USP9X: variants seen among roughly 807,000 people sequenced by gnomAD.
USP9X encodes ubiquitin specific peptidase 9 X-linked, also known as ubiquitin carboxyl-terminal hydrolase 9X.
A neutral mutation model predicts 190.3 loss-of-function variants in USP9X; 7 were observed. The observed-to-expected ratio is 0.04, with a 90% CI of 0.02 to 0.07. The LOEUF is 0.07. Among genes scored for constraint, USP9X ranks in the 10% least tolerant of loss-of-function variants. The pLI, the probability that USP9X is intolerant of heterozygous loss-of-function variation, is 1.00. For synonymous variants in USP9X, 645 were observed against 659.5 expected (o/e 0.98, Z 0.34); for missense variants, 1,010 against 1,916.9 (o/e 0.53, Z 8.83).
At chrX:41,157,329 C>G (rs2062587975) in intron 14 of USP9X, among the ~76,000 whole-genome samples, 2 of 111,115 alleles carry the variant, frequency 1.8e-5, no homozygotes, top group Non-Finnish European at 3.8e-5. Context: ...CATAAACTTT[C>G]TGAGTGGTGT....
intron 29 of USP9X, among the ~76,000 whole-genome samples, chrX:41,198,264 TTTAAAA>T (rs1475693273): frequency 2.7e-5 from 3 of 112,160 alleles, no homozygotes; most frequent in African/African-American, 9.7e-5. Context: ...GGAGCAAACA[TTTAAAA>T]TAAAAATTTT....
chrX:41,217,100 G>A (rs759800596), intron 35 of USP9X, 120 bp from the exon 36 acceptor site: 1,616 of 780,989 alleles, frequency 2.1e-3, no homozygotes, highest in Non-Finnish European at 2.4e-3. Flanking sequence ...CTAAATTAAA[G>A]TAGCCTGAGA....
intron 3 of USP9X, among the ~76,000 whole-genome samples, chrX:41,131,218 T>C (rs987771169): frequency 1.8e-5 from 2 of 111,607 alleles, no homozygotes; most frequent in Admixed American, 9.5e-5. Flanking sequence ...ATAATTTAGT[T>C]TTCTTCCCTC....
chrX:41,197,379 A>C lies in USP9X; in HGVS notation c.4249A>C (p.Thr1417Pro). 1 of 1,009,982 alleles carries C rather than the reference A, an allele frequency of 9.9e-7. No individual in the cohort carries two copies. 83.2% of individuals were successfully genotyped at this position (1,009,982 alleles called of 1,213,427 possible). A position where few individuals can be genotyped will look rare whatever the true frequency, so the allele number is the denominator to read the frequency against. The change falls in exon 29 of 45, where the codon ACA becomes CCA. Residue 1417 changes from threonine (T) to proline (P), a missense_variant. Physicochemically the swap from Thr to Pro is conservative, Grantham distance 38 (BLOSUM62 -1). Around this residue, in one of 11 missense-constraint regions of USP9X, gnomAD observed 351 missense variants for 480.8 expected, o/e 0.73. Transcript: ENST00000378308. The part of the protein sequence containing the change: ...LKRIRDDVKR[T>P]GETGIEETIL... ...CCTTTGGCAGGATGATGTTAAAAGA[A>C]CAGGAGAAACGGGTATTGAAGAGAC...
rs756079833 is a variant in USP9X, at chrX:41,090,926, C to T, written c.-159+4817C>T. 5.4e-5 allele frequency among the ~76,000 whole-genome samples: 6 copies of T among 110,868 alleles called. No homozygotes were observed. The South Asian group carries it at 1.2e-3, about 22-fold the overall frequency. ...GTCACTTAGCACCTTCTCGGTGTTA[C>T]GGTTCCAGCTCTACTATAAACATTA... On this transcript the variant is annotated intron_variant, in intron 1 of 44. Coordinates refer to ENST00000378308, the MANE Select transcript of USP9X (RefSeq NM_001039591.3).
chrX:41,119,767 T>C (rs1569155958), intron 1 of USP9X, among the ~76,000 whole-genome samples: 1 of 112,106 alleles, frequency 8.9e-6, no homozygotes, highest in East Asian at 2.8e-4. Flanking sequence ...GAGGCGGAGG[T>C]TGCGGTGAGC....
At chrX:41,226,321 A>ATAT (rs2063312345) in intron 41 of USP9X, among the ~76,000 whole-genome samples, 1 of 111,725 alleles carries the variant, frequency 9.0e-6, no homozygotes, top group South Asian at 3.7e-4. Flanking sequence ...TAAAAGTTGA[A>ATAT]TATATTATCT....
chrX:41,140,979 T>A lies in USP9X; in HGVS notation c.784T>A (p.Cys262Ser). ...IAALIKPFGQ[C>S]YEFLTLHTVK... ...TTCTTATTTCAGACCATTTGGGCAA[T>A]GCTATGAGTTTCTCACTCTTCATAC... Residue 262 changes from cysteine to serine, a missense_variant, in exon 8 of 45, where the codon TGC (cysteine) becomes AGC (serine). By Grantham distance (112) the Cys-to-Ser change is moderately radical. Coordinates refer to ENST00000378308, the MANE Select transcript of USP9X (RefSeq NM_001039591.3). 8.4e-7 allele frequency: 1 copy of A among 1,185,638 alleles called. No homozygotes were observed. Among genetic ancestry groups the A allele is most frequent in the Non-Finnish European group, 1.1e-6 (1 of 886,761 alleles).
intron 21 of USP9X, among the ~76,000 whole-genome samples, 181 bp downstream of exon 21, chrX:41,172,139 A>C (rs930358368): frequency 9.0e-6 from 1 of 111,306 alleles, no homozygotes; most frequent in African/African-American, 3.3e-5. Flanking sequence ...CTATATTTTT[A>C]AGTGGCTACA....
chrX:41,227,692 A>G (rs970895952), intron 41 of USP9X, among the ~76,000 whole-genome samples: 1 of 110,404 alleles, frequency 9.1e-6, no homozygotes. Flanking sequence ...CATTACCACT[A>G]TCTGATTCCA....
chrX:41,125,718 T>TCGCGCGCG (rs1555918349), intron 2 of USP9X, among the ~76,000 whole-genome samples: 42 of 99,223 alleles, frequency 4.2e-4, no homozygotes, highest in African/African-American at 1.6e-3. Context: ...TCTCTCTCTC[T>TCGCGCGCG]CGCGCACGCG....
intron 14 of USP9X, among the ~76,000 whole-genome samples, chrX:41,161,489 G>A (rs997562038): frequency 9.5e-6 from 1 of 105,574 alleles, no homozygotes; most frequent in Non-Finnish European, 1.9e-5. Flanking sequence ...ACAGGCGCCT[G>A]CCACCATGCC....
chrX:41,117,682 A>G (rs1019665862), intron 1 of USP9X, among the ~76,000 whole-genome samples: 2 of 101,043 alleles, frequency 2.0e-5, no homozygotes, highest in African/African-American at 7.5e-5. Flanking sequence ...GGTTCACGCC[A>G]TTCTCCTGCC....
rs751886853 is a variant in USP9X at position 41,190,130 on chromosome X, A to T, written c.3977+655A>T. Among the ~76,000 whole-genome samples, 25 of 112,413 alleles carry T rather than the reference A, an allele frequency of 2.2e-4. No homozygotes were observed. The South Asian group carries it at 8.9e-3, about 40-fold the overall frequency. On this transcript the variant is annotated intron_variant, in intron 26 of 44. Coordinates refer to ENST00000378308, the MANE Select transcript of USP9X (RefSeq NM_001039591.3). ...TGTTTTATCTGTATTTTGTGAAAAGACACAGAAAATGTTTACTTTCATCAT... is the reference window on the plus strand; with the variant it reads ...TGTTTTATCTGTATTTTGTGAAAAGTCACAGAAAATGTTTACTTTCATCAT...
At chrX:41,195,756 A>G in intron 26 of USP9X, 2 of 257,200 alleles carry the variant, frequency 7.8e-6, no homozygotes, top group South Asian at 7.8e-5. Flanking sequence ...CTGATCTGAC[A>G]GGAGGCGGAG....
intron 1 of USP9X, among the ~76,000 whole-genome samples, chrX:41,121,530 A>G (rs907100044): frequency 8.9e-6 from 1 of 111,969 alleles, no homozygotes; most frequent in Admixed American, 9.4e-5. Flanking sequence ...GCCCCCAGGT[A>G]AGTTTTATAT....
rs1363054053 is a variant in USP9X at position 41,085,451 on chromosome X, C to T, written c.-817C>T. 9.5e-6 allele frequency among the ~76,000 whole-genome samples: 1 copy of T among 105,669 alleles called. No individual in the cohort carries two copies. The highest frequency in any genetic ancestry group is 2.0e-5 in the Non-Finnish European group (1 of 50,920). 91.8% of individuals were successfully genotyped at this position (105,669 alleles called of 115,157 possible). Reference sequence around the variant, plus strand: ...AGCGGTTTTTTTTTTTTTGGTTTGCCGGATCCGCCATATTGACGAGGACGG... The same window carrying T: ...AGCGGTTTTTTTTTTTTTGGTTTGCTGGATCCGCCATATTGACGAGGACGG... On this transcript the variant is annotated 5_prime_UTR_variant, in exon 1 of 45. Transcript: ENST00000378308.
chrX:41,179,077 A>G (rs1275003105), intron 21 of USP9X, among the ~76,000 whole-genome samples: 1 of 111,432 alleles, frequency 9.0e-6, no homozygotes, highest in Non-Finnish European at 1.9e-5. Context: ...ATCTGTGTCT[A>G]TTTTTGTGTC....
intron 41 of USP9X, among the ~76,000 whole-genome samples, chrX:41,228,265 A>G (rs1253377725): frequency 8.9e-6 from 1 of 112,320 alleles, no homozygotes; most frequent in Non-Finnish European, 1.9e-5. Context: ...TATATACACC[A>G]CATTTTATTT....
Sources: allele counts gnomAD v4.1 joint callset (sites outside exome capture counted in the v4.1 genomes callset), GRCh38; gene constraint gnomAD v4.1.1; regional missense constraint gnomAD v4.1.1; transcripts MANE v1.5; gene names NCBI Gene and HGNC (gene_info 2026-07-23, HGNC 2026-07-21).